Variants in PRRC2A observed in about 807,000 individuals in gnomAD.
PRRC2A encodes the protein protein PRRC2A.
PRRC2A carries 59 observed loss-of-function variants against 224.6 expected under a neutral mutation model. That is an observed-to-expected ratio of 0.26 (90% CI 0.21 to 0.33). The LOEUF (loss-of-function observed/expected upper bound fraction) is 0.33. Ranked by LOEUF, PRRC2A falls within the 10% of genes least tolerant of loss-of-function variation. The pLI, the probability that PRRC2A is intolerant of heterozygous loss-of-function variation, is 1.00. For synonymous variants in PRRC2A, 1,194 were observed against 1,109.5 expected, an observed-to-expected ratio of 1.08 and a Z score of -1.51; for missense variants, 3,095 against 2,880.7, an observed-to-expected ratio of 1.07 and a Z score of -1.70.
In PRRC2A at chr6:31,631,663, C is replaced by T. The variant is rs756714099; in HGVS notation, c.2990C>T (p.Thr997Ile). The change falls in exon 16 of 31, where the codon ACC (threonine) becomes ATC (isoleucine). Residue 997 changes from threonine (T) to isoleucine (I), a missense_variant. Coordinates refer to ENST00000376033, the MANE Select transcript of PRRC2A (RefSeq NM_004638.4). This position sits in a 1 kb window ranked among gnomAD's most constrained non-coding sequence, Gnocchi z 4.5. ...TKGKLGGPKE[T>I]PPNGNLSPAP... ...GGGAAGCTAGGGGGCCCCAAGGAGA[C>T]CCCACCCAATGGAAATCTTTCCCCT... is the stretch of plus-strand genomic sequence containing the variant. The T allele has an allele frequency of 2.6e-6, 4 of 1,514,972 alleles. No individual in the cohort carries two copies. The highest frequency in any genetic ancestry group is 2.8e-5 in the African/African-American group (2 of 71,484). 93.8% of individuals were successfully genotyped at this position (1,514,972 alleles called of 1,614,324 possible).
chr6:31,632,465 G>A lies in PRRC2A; in HGVS notation c.3792G>A (p.Arg1264=), dbSNP rs1220418059. 1 of 1,606,394 alleles carries A rather than the reference G, an allele frequency of 6.2e-7. No homozygotes were observed. Among genetic ancestry groups the A allele is most frequent in the African/African-American group, 1.3e-5 (1 of 74,824 alleles). Residue 1264 remains arginine, a synonymous_variant, in exon 16 of 31, where the codon CGG becomes CGA. Coordinates refer to ENST00000376033, the MANE Select transcript of PRRC2A (RefSeq NM_004638.4). ...GTTTCCGGAGGCTGAAGCAGGAACG[G>A]GAGAATGCCGCAAGGGGGTCTGAGG... ...PPRFRRLKQE[R]ENAARGSEGK...
At chr6:31,628,871 T>A in intron 12 of PRRC2A, 1 of 440,862 alleles carries the variant, frequency 2.3e-6, no homozygotes. Context: ...AAGAAATACA[T>A]AAATAAAAAT....
Position 31,623,772 on chromosome 6 carries a change from C to T in PRRC2A, c.153C>T (p.Ala51=). 1.2e-6 allele frequency: 2 copies of T among 1,614,206 alleles called. No individual in the cohort carries two copies. Among genetic ancestry groups the T allele is most frequent in the South Asian group, 1.1e-5 (1 of 91,084 alleles). ...RHGLQSLGKV[A]IARRMPPPAN... The stretch of plus-strand genomic sequence containing the variant: ...GCCTGCAGAGTCTCGGGAAAGTTGC[C>T]ATTGCCCGGCGTATGCCACCTCCAG... The change falls in exon 3 of 31, where the codon GCC becomes GCT. Residue 51 remains alanine, a synonymous_variant. Transcript: ENST00000376033.
Position 31,627,020 on chromosome 6 carries a change from C to G in PRRC2A, c.1112C>G (p.Pro371Arg). Residue 371 changes from proline to arginine, a missense_variant, in exon 11 of 31, where the codon CCT becomes CGT. By Grantham distance (103) the Pro-to-Arg change is moderately radical. Transcript: ENST00000376033. The surrounding 1 kb of genome is among the most constrained non-coding windows in gnomAD (Gnocchi z 5.6). ...SQSASGEERP[P>R]EADGKKGNSP... is the part of the protein sequence containing the mutation. ...TCAGCTTCTGGTGAGGAACGGCCCC[C>G]TGAAGCAGATGGCAAAAAGGGCAAC... 6.2e-7 allele frequency: 1 copy of G among 1,614,210 alleles called. No homozygotes were observed. Among genetic ancestry groups the G allele is most frequent in the Non-Finnish European group, 8.5e-7 (1 of 1,180,046 alleles).
At chr6:31,637,173 T>C (rs762169939) in intron 29 of PRRC2A, 37 bp downstream of exon 29, 33 of 1,608,064 alleles carry the variant, frequency 2.1e-5, no homozygotes, top group African/African-American at 4.0e-5. Flanking sequence ...TCCAAGTGCT[T>C]CCTTACTTTG....
At chr6:31,626,627 A>G in intron 9 of PRRC2A, 145 bp from the exon 10 acceptor site, 2 of 707,326 alleles carry the variant, frequency 2.8e-6, no homozygotes, top group Non-Finnish European at 4.7e-6. Flanking sequence ...GAGAGGAGTA[A>G]GAATGACAAG....
Position 31,627,260 on chromosome 6 carries a change from A to T in PRRC2A, c.1290+62A>T. The T allele has an allele frequency of 8.1e-7, 1 of 1,242,220 alleles. No individual in the cohort carries two copies. Among genetic ancestry groups the T allele is most frequent in the Non-Finnish European group, 1.1e-6 (1 of 873,658 alleles). The allele number at this position is 1,242,220 out of a possible 1,614,324, so 76.9% of individuals were successfully genotyped here. A position where few individuals can be genotyped will look rare whatever the true frequency, so the allele number is the denominator to read the frequency against. On this transcript the variant is annotated intron_variant, in intron 11 of 30. Transcript: ENST00000376033. The surrounding 1 kb of genome is among the most constrained non-coding windows in gnomAD (Gnocchi z 5.6). Reference sequence around the variant, plus strand: ...GTGGGAAATTGGTGTCAGCTGAGTAATTGAAGCGGTTGTGATATAGAGGAA... The same window carrying T: ...GTGGGAAATTGGTGTCAGCTGAGTATTTGAAGCGGTTGTGATATAGAGGAA...
At chr6:31,629,973 C>T in intron 14 of PRRC2A, 128 bp downstream of exon 14, 5 of 1,435,792 alleles carry the variant, frequency 3.5e-6, no homozygotes, top group Non-Finnish European at 4.7e-6. Context: ...AGGGCATATG[C>T]TTGGCACTGC....
rs139066704 is a variant in PRRC2A at position 31,633,603 on chromosome 6, C to T, written c.4544C>T (p.Pro1515Leu). The change falls in exon 17 of 31, where the codon CCA becomes CTA. Residue 1515 changes from proline (P) to leucine (L), a missense_variant. This residue lies in a region of PRRC2A where 2,001 missense variants were observed against 1,764.9 expected (regional missense o/e 1.13). Transcript: ENST00000376033. ...QAPQGPSPRPPTRYEPQRVNS... is the reference protein window; with the variant it reads ...QAPQGPSPRPLTRYEPQRVNS... Reference sequence around the variant, plus strand: ...CCTCAGGGCCCCTCTCCTAGGCCCCCAACCCGATACGAGCCCCAGAGGGTC... The same window carrying T: ...CCTCAGGGCCCCTCTCCTAGGCCCCTAACCCGATACGAGCCCCAGAGGGTC... The T allele has an allele frequency of 7.7e-5, 124 of 1,612,778 alleles. No homozygotes were observed. In the East Asian group the frequency reaches 2.7e-3, roughly 35 times the overall value.
rs114452424 is a variant in PRRC2A at position 31,625,592 on chromosome 6, G to T, written c.740G>T (p.Arg247Leu). The change falls in exon 7 of 31, where the codon CGC (arginine) becomes CTC (leucine). Residue 247 changes from arginine to leucine, a missense_variant. Arg to Leu is a moderately radical substitution (Grantham distance 102, BLOSUM62 -2). Around this residue, in one of 8 missense-constraint regions of PRRC2A, gnomAD observed 287 missense variants for 275.3 expected, o/e 1.04. Transcript: ENST00000376033. The surrounding 1 kb of genome is among the most constrained non-coding windows in gnomAD (Gnocchi z 4.1). ...GGCCCACCCCAGTTCCCTCCCTACC[G>T]CGGAATGATGCCGCCTTTCGTGAGT... ...PSGPPQFPPYRGMMPPFMYPP... is the reference protein window; with the variant it reads ...PSGPPQFPPYLGMMPPFMYPP... 11 of 1,572,418 alleles carry T rather than the reference G, an allele frequency of 7.0e-6. No individual in the cohort carries two copies. The highest frequency in any genetic ancestry group is 9.5e-6 in the Non-Finnish European group (11 of 1,157,798).
chr6:31,625,207 G>C lies in PRRC2A; in HGVS notation c.500G>C (p.Arg167Pro). 6.2e-7 allele frequency: 1 copy of C among 1,613,068 alleles called. No individual in the cohort carries two copies. Among genetic ancestry groups the C allele is most frequent in the Non-Finnish European group, 8.5e-7 (1 of 1,180,008 alleles). The change falls in exon 6 of 31, where the codon CGA (arginine) becomes CCA (proline). Residue 167 changes from arginine (R) to proline (P), a missense_variant. Arg to Pro is a moderately radical substitution (Grantham distance 103). Coordinates refer to ENST00000376033, the MANE Select transcript of PRRC2A (RefSeq NM_004638.4). This position sits in a 1 kb window ranked among gnomAD's most constrained non-coding sequence, Gnocchi z 4.1. Reference protein sequence around the residue: ...RASSLLSRFSREEFPTLQAAG... With the variant: ...RASSLLSRFSPEEFPTLQAAG... ...TCAAGCCTACTGTCACGATTCTCTC[G>C]AGAGGAATTTCCGACCCTGCAGGCG...
intron 20 of PRRC2A, 96 bp from the exon 21 acceptor site, chr6:31,634,657 T>A (rs1364566961): frequency 1.3e-5 from 21 of 1,570,906 alleles, no homozygotes; most frequent in Non-Finnish European, 1.7e-5. Flanking sequence ...TTCTCTCACT[T>A]GGCTGTCCCC....
intron 1 of PRRC2A, among the ~76,000 whole-genome samples, chr6:31,621,979 C>T (rs1775343135): frequency 3.9e-5 from 6 of 152,182 alleles, no homozygotes; most frequent in Admixed American, 3.9e-4. Context: ...TTTCTCAGTT[C>T]TTCATATGGT....
rs1048667412 is a variant in PRRC2A at position 31,634,943 on chromosome 6, G to T, written c.5126G>T (p.Arg1709Ile). 1.4e-5 allele frequency: 22 copies of T among 1,612,666 alleles called. No homozygotes were observed. The highest frequency in any genetic ancestry group is 3.4e-6 in the Non-Finnish European group (4 of 1,179,920). The change falls in exon 21 of 31, where the codon AGA (arginine) becomes ATA (isoleucine). Residue 1709 changes from arginine (R) to isoleucine (I), a missense_variant. Physicochemically the swap from Arg to Ile is moderately conservative, Grantham distance 97 (BLOSUM62 -3). Around this residue, in one of 8 missense-constraint regions of PRRC2A, gnomAD observed 662 missense variants for 609.5 expected, o/e 1.09. Coordinates refer to ENST00000376033, the MANE Select transcript of PRRC2A (RefSeq NM_004638.4). ...CCACCTGGCTCTGAACCTCCTAGGA[G>T]ACCACCACCTGCCCCCCACGATGGG... ...EGPPGSEPPR[R>I]PPPAPHDGDR...
chr6:31,634,099 C>T, intron 18 of PRRC2A, 110 bp downstream of exon 18: 7 of 1,571,016 alleles, frequency 4.5e-6, no homozygotes, highest in Non-Finnish European at 6.0e-6. Context: ...GTTTTTACTC[C>T]AGAATTCTCA....
intron 15 of PRRC2A, 88 bp downstream of exon 15, chr6:31,630,889 G>C (rs1205033460): frequency 6.8e-7 from 1 of 1,478,088 alleles, no homozygotes; most frequent in African/African-American, 1.4e-5. Context: ...GGTAGGGATA[G>C]GGATGAACGG....
chr6:31,633,678 C>T (rs1431140740), intron 17 of PRRC2A, 31 bp downstream of exon 17: 3 of 1,582,176 alleles, frequency 1.9e-6, no homozygotes, highest in South Asian at 1.2e-5. Context: ...GTGGGAATAT[C>T]TCCATCCCCA....
Position 31,632,532 on chromosome 6 carries a change from G to T in PRRC2A, c.3859G>T (p.Glu1287Ter). 6.2e-7 allele frequency: 1 copy of T among 1,610,288 alleles called. No homozygotes were observed. ...LTLPASAPGPEEALTTVTVAP... is the reference protein window; with the variant it reads ...LTLPASAPGP ...CCTTCCAGCCTCCGCTCCTGGACCT[G>T]AGGAGGCCCTCACAACAGTCACAGT... The change falls in exon 16 of 31, where the codon GAG becomes TAG. Residue 1287 changes from glutamate to a stop codon, truncating the protein, a stop_gained. Transcript: ENST00000376033. LOFTEE classifies it high-confidence loss of function.
At chr6:31,626,278 C>T in intron 9 of PRRC2A, 116 bp downstream of exon 9, 1 of 1,241,252 alleles carries the variant, frequency 8.1e-7, no homozygotes. Flanking sequence ...GAAGACCAGG[C>T]CCAATGGCTC....
Sources: gnomAD v4.1 joint callset for allele counts (sites outside exome capture counted in the v4.1 genomes callset) on GRCh38, gnomAD v4.1.1 for gene constraint, gnomAD v4.1.1 regional missense constraint, Gnocchi (gnomAD v3.1) non-coding constraint, MANE v1.5 for transcripts, NCBI Gene and HGNC (gene_info 2026-07-23, HGNC 2026-07-21) for gene names.